The following PLAT variants were observed in gnomAD, a reference collection of about 807,000 sequenced individuals.
The protein encoded by PLAT is plasminogen activator, tissue type.
PLAT carries 48 observed loss-of-function variants against 74.9 expected under a neutral mutation model. That is an observed-to-expected ratio of 0.64 (90% CI 0.51 to 0.82). The LOEUF (loss-of-function observed/expected upper bound fraction) is 0.82. Among genes scored for constraint, PLAT ranks in the 40% least tolerant of loss-of-function variants. The pLI, the probability that PLAT is intolerant of heterozygous loss-of-function variation, is 0.00. For synonymous variants in PLAT, 307 were observed against 294.4 expected, an observed-to-expected ratio of 1.04 and a Z score of -0.44; for missense variants, 673 against 736.2, an observed-to-expected ratio of 0.91 and a Z score of 0.99.
At position 42,176,144 on chromosome 8, in the gene PLAT, G is replaced by A. The variant is rs747692088; in HGVS notation, c.1538C>T (p.Ser513Leu). The change falls in exon 14 of 14, where the codon TCG becomes TTG. Residue 513 changes from serine (S) to leucine (L), a missense_variant. Transcript: ENST00000220809. ...ANLHDACQGD[S>L]GGPLVCLNDG... Reference sequence around the variant, plus strand: ...GTTCAGACACACCAGGGGGCCTCCCGAATCGCCCTGCAAAGGAGATAGCAG... The same window carrying A: ...GTTCAGACACACCAGGGGGCCTCCCAAATCGCCCTGCAAAGGAGATAGCAG... The A allele has an allele frequency of 3.1e-6, 5 of 1,612,742 alleles. No individual in the cohort carries two copies. In the East Asian group the frequency reaches 6.7e-5, roughly 22 times the overall value.
At chr8:42,194,330 G>A (rs1306821376) in intron 1 of PLAT, among the ~76,000 whole-genome samples, 1 of 148,732 alleles carries the variant, frequency 6.7e-6, no homozygotes, top group East Asian at 2.0e-4. Flanking sequence ...CGAACTCCTG[G>A]GCACAAATGA....
intron 3 of PLAT, 88 bp from the exon 4 acceptor site, chr8:42,189,159 A>G: frequency 1.4e-6 from 2 of 1,404,572 alleles, no homozygotes; most frequent in South Asian, 2.4e-5. Flanking sequence ...AAACTCCCTC[A>G]CTTGCTTTCT....
At chr8:42,177,886 A>T (rs561324968) in intron 13 of PLAT, among the ~76,000 whole-genome samples, 3 of 152,206 alleles carry the variant, frequency 2.0e-5, no homozygotes, top group African/African-American at 7.2e-5. Flanking sequence ...CTTCAGCACC[A>T]GAGCCTGGCC....
intron 1 of PLAT, among the ~76,000 whole-genome samples, chr8:42,195,202 TTTGA>T (rs1805859796): frequency 6.7e-6 from 1 of 149,248 alleles, no homozygotes. Flanking sequence ...GCTCTGGATC[TTTGA>T]TTGTTACTTC....
intron 13 of PLAT, among the ~76,000 whole-genome samples, chr8:42,176,960 CTTCTT>C (rs1587925047): frequency 6.6e-6 from 1 of 151,840 alleles, no homozygotes; most frequent in East Asian, 1.9e-4. Flanking sequence ...GAACTTCACT[CTTCTT>C]TTTTTGTTTT....
At chr8:42,177,078 C>A (rs1280636238) in intron 13 of PLAT, among the ~76,000 whole-genome samples, 1 of 152,110 alleles carries the variant, frequency 6.6e-6, no homozygotes, top group African/African-American at 2.4e-5. Context: ...CTCCGGGGTT[C>A]AAGCAATTCT....
Position 42,181,956 on chromosome 8 carries a change from G to T in PLAT, c.870C>A (p.Tyr290Ter). 1 of 1,610,682 alleles carries T rather than the reference G, an allele frequency of 6.2e-7. No homozygotes were observed. The highest frequency in any genetic ancestry group is 8.5e-7 in the Non-Finnish European group (1 of 1,176,832). ...CCTTACAGCAGGAGGGCACATCACAGTACTCCCACGTCAGCCTGCGGTTCT... is the reference window on the plus strand; with the variant it reads ...CCTTACAGCAGGAGGGCACATCACATTACTCCCACGTCAGCCTGCGGTTCT... The part of the protein sequence containing the change: ...VLKNRRLTWE[Y>*]CDVPSCSTCG... The change falls in exon 9 of 14, where the codon TAC becomes TAA. Residue 290 changes from tyrosine (Y) to a stop codon, truncating the protein, a stop_gained. Coordinates refer to ENST00000220809, the MANE Select transcript of PLAT (RefSeq NM_000930.5). LOFTEE classifies it high-confidence loss of function.
rs1805503317 is a variant in PLAT at position 42,187,066 on chromosome 8, CTATG to C, written c.539+328_539+331del. 1.8e-5 allele frequency: 4 copies of C among 216,248 alleles called. No homozygotes were observed. The East Asian group carries it at 3.9e-4, about 21-fold the overall frequency. 13.4% of individuals were successfully genotyped at this position (216,248 alleles called of 1,614,324 possible). On this transcript the variant is annotated intron_variant, in intron 6 of 13. Coordinates refer to ENST00000220809, the MANE Select transcript of PLAT (RefSeq NM_000930.5). ...CTATCATCTATCTACCATCTATCAT[CTATG>C]TATCTATCATCTATTTATCTATCAA...
chr8:42,179,825 G>A (rs563639634), intron 12 of PLAT, 101 bp downstream of exon 12: 2 of 1,222,304 alleles, frequency 1.6e-6, no homozygotes, highest in Non-Finnish European at 2.2e-6. Context: ...GCCTGACCCG[G>A]GGCTGGAACT....
chr8:42,196,065 C>G (rs1805892435), intron 1 of PLAT, among the ~76,000 whole-genome samples: 1 of 152,202 alleles, frequency 6.6e-6, no homozygotes, highest in African/African-American at 2.4e-5. Flanking sequence ...GGAATGCAAT[C>G]CCAGATGCCG....
intron 3 of PLAT, among the ~76,000 whole-genome samples, chr8:42,190,972 G>A (rs1805657949): frequency 6.6e-6 from 1 of 152,204 alleles, no homozygotes; most frequent in Non-Finnish European, 1.5e-5. Context: ...CATGGGCCTG[G>A]CCTCGGCTGT....
chr8:42,187,124 A>C, intron 6 of PLAT: 1 of 351,236 alleles, frequency 2.8e-6, no homozygotes, highest in Admixed American at 4.4e-5. Flanking sequence ...TCTATCTATC[A>C]CCTATCATCT....
chr8:42,203,003 GC>G (rs1806194271), intron 1 of PLAT, among the ~76,000 whole-genome samples: 1 of 152,070 alleles, frequency 6.6e-6, no homozygotes, highest in South Asian at 2.1e-4. Context: ...GGTGACAGTC[GC>G]CCCCGGGCTC....
At position 42,180,229 on chromosome 8, in the gene PLAT, G is replaced by A; in HGVS notation, c.1222+13C>T. ...ATCTGTATGAACTGGAGCCGGGAAT[G>A]ACGAGCTCTTACCAATGTCATTGTC... On this transcript the variant is annotated intron_variant, in intron 11 of 13. Coordinates refer to ENST00000220809, the MANE Select transcript of PLAT (RefSeq NM_000930.5). 2 of 1,614,108 alleles carry A rather than the reference G, an allele frequency of 1.2e-6. No individual in the cohort carries two copies. The highest frequency in any genetic ancestry group is 1.7e-6 in the Non-Finnish European group (2 of 1,179,958).
Position 42,187,162 on chromosome 8 carries a change from T to C in PLAT, c.539+236A>G, listed in dbSNP as rs1805510086. On this transcript the variant is annotated intron_variant, in intron 6 of 13. Transcript: ENST00000220809. ...CTATCTGTCATCCATCTACCGTCTA[T>C]TTATCATCTATCTATCATGTATGTA... is the stretch of plus-strand genomic sequence containing the variant. 4 of 418,464 alleles carry C rather than the reference T, an allele frequency of 9.6e-6. No individual in the cohort carries two copies. The South Asian group carries it at 3.1e-4, about 32-fold the overall frequency. The allele number at this position is 418,464 out of a possible 1,614,324, so 25.9% of individuals were successfully genotyped here.
chr8:42,197,844 C>T (rs925484135), intron 1 of PLAT, among the ~76,000 whole-genome samples: 1 of 152,148 alleles, frequency 6.6e-6, no homozygotes, highest in African/African-American at 2.4e-5. Flanking sequence ...TTCCAAAAAG[C>T]ATCTATATTT....
At chr8:42,179,869 C>G (rs1184699065) in intron 12 of PLAT, 57 bp downstream of exon 12, 1 of 1,472,160 alleles carries the variant, frequency 6.8e-7, no homozygotes, top group Non-Finnish European at 9.1e-7. Flanking sequence ...TCTGGTGGAC[C>G]GCAGCCTCCC....
At chr8:42,195,065 T>C (rs970124353) in intron 1 of PLAT, among the ~76,000 whole-genome samples, 1 of 152,184 alleles carries the variant, frequency 6.6e-6, no homozygotes, top group African/African-American at 2.4e-5. Flanking sequence ...ATGGCATTTC[T>C]TTCCCTGACT....
chr8:42,194,012 G>A (rs535804090), intron 1 of PLAT, among the ~76,000 whole-genome samples: 2 of 116,496 alleles, frequency 1.7e-5, no homozygotes, highest in Middle Eastern at 8.3e-3. Context: ...CCGCGCCCCC[G>A]CTGCCTTTTT....
Sources: gnomAD v4.1 joint callset for allele counts (sites outside exome capture counted in the v4.1 genomes callset) on GRCh38, gnomAD v4.1.1 for gene constraint, MANE v1.5 for transcripts, NCBI Gene and HGNC (gene_info 2026-07-23, HGNC 2026-07-21) for gene names.